DMXL2: variants seen among roughly 807,000 people sequenced by gnomAD.
DMXL2 encodes the protein Dmx like 2.
DMXL2 carries 103 observed loss-of-function variants against 331.1 expected under a neutral mutation model. That is an observed-to-expected ratio of 0.31 (90% CI 0.27 to 0.37). The LOEUF (loss-of-function observed/expected upper bound fraction) is 0.37. DMXL2 is among the 10% of genes least tolerant of loss of function. The pLI, the probability that DMXL2 is intolerant of heterozygous loss-of-function variation, is 1.00. For missense variants in DMXL2, 3,171 were observed against 3,642.9 expected, an observed-to-expected ratio of 0.87 and a Z score of 3.33; for synonymous variants, 1,281 against 1,252.1, an observed-to-expected ratio of 1.02 and a Z score of -0.49.
At chr15:51,458,862 A>G (rs2039880262) in intron 34 of DMXL2, 67 bp from the exon 35 acceptor site, 2 of 1,309,446 alleles carry the variant, frequency 1.5e-6, no homozygotes, top group Non-Finnish European at 2.2e-6. Context: ...TGCACATCCC[A>G]TAAGATTTAA....
intron 2 of DMXL2, among the ~76,000 whole-genome samples, chr15:51,573,772 C>G (rs889967779): frequency 2.6e-5 from 4 of 152,006 alleles, no homozygotes; most frequent in Non-Finnish European, 4.4e-5. Flanking sequence ...CAGCAAACCA[C>G]CATGGCACGT....
chr15:51,510,418 CAGAG>C (rs1278623661), intron 15 of DMXL2, among the ~76,000 whole-genome samples: 1 of 152,126 alleles, frequency 6.6e-6, no homozygotes, highest in Non-Finnish European at 1.5e-5. Flanking sequence ...CAATAACAGA[CAGAG>C]AGCCAAATCA....
intron 15 of DMXL2, among the ~76,000 whole-genome samples, chr15:51,509,192 T>C (rs2046600590): frequency 6.6e-6 from 1 of 151,462 alleles, no homozygotes; most frequent in African/African-American, 2.4e-5. Context: ...GAGAAACTTC[T>C]TTAAAAAAAA....
At chr15:51,551,833 TTAAG>T (rs1281184643) in intron 6 of DMXL2, among the ~76,000 whole-genome samples, 3 of 152,164 alleles carry the variant, frequency 2.0e-5, no homozygotes, top group Non-Finnish European at 2.9e-5. Context: ...GAAGGCAACA[TTAAG>T]TAAGGATATA....
At chr15:51,465,741 C>A in intron 30 of DMXL2, 90 bp from the exon 31 acceptor site, 2 of 905,184 alleles carry the variant, frequency 2.2e-6, no homozygotes. Flanking sequence ...GTTTAGCCCA[C>A]TCTCCAACCC....
At chr15:51,582,063 A>G (rs1164295116) in intron 1 of DMXL2, among the ~76,000 whole-genome samples, 1 of 152,186 alleles carries the variant, frequency 6.6e-6, no homozygotes, top group East Asian at 1.9e-4. Context: ...TGAAGAAGGT[A>G]CATTTTATTA....
At chr15:51,576,949 T>C (rs2051091093) in intron 1 of DMXL2, among the ~76,000 whole-genome samples, 2 of 152,224 alleles carry the variant, frequency 1.3e-5, no homozygotes, top group Admixed American at 6.5e-5. Context: ...AATTCCCATG[T>C]CCAACTCTAA....
intron 15 of DMXL2, 59 bp downstream of exon 15, chr15:51,514,383 A>C: frequency 1.0e-6 from 1 of 1,000,584 alleles, no homozygotes; most frequent in Non-Finnish European, 1.5e-6. Context: ...CTCAGTGAAA[A>C]CTTAGAGATC....
intron 1 of DMXL2, among the ~76,000 whole-genome samples, chr15:51,600,256 T>C (rs2053134532): frequency 6.6e-6 from 1 of 152,208 alleles, no homozygotes. Context: ...ACCTGCCTTT[T>C]ACAACCACCT....
chr15:51,582,734 T>C (rs982743647), intron 1 of DMXL2, among the ~76,000 whole-genome samples: 9 of 152,172 alleles, frequency 5.9e-5, no homozygotes, highest in Admixed American at 5.2e-4. Context: ...CACATATACA[T>C]TGAAATCATG....
chr15:51,499,522 T>C lies in DMXL2; in HGVS notation c.3702A>G (p.Arg1234=), dbSNP rs1245994393. 1 of 1,613,986 alleles carries C rather than the reference T, an allele frequency of 6.2e-7. No homozygotes were observed. Among genetic ancestry groups the C allele is most frequent in the Non-Finnish European group, 8.5e-7 (1 of 1,180,022 alleles). Residue 1234 remains arginine, a synonymous_variant, in exon 18 of 44, where the codon AGA becomes AGG. Coordinates refer to ENST00000560891, the MANE Select transcript of DMXL2 (RefSeq NM_001378457.1). The stretch of plus-strand genomic sequence containing the variant: ...CAACAGAAGATACCAAGTCTATAGA[T>C]CTAAGAAGAACCCATCTTGACTTAA... ...QGVKSRWVLL[R]SIDLVSSVDG...
At chr15:51,554,205 A>G (rs935774496) in intron 6 of DMXL2, among the ~76,000 whole-genome samples, 2 of 152,220 alleles carry the variant, frequency 1.3e-5, no homozygotes, top group African/African-American at 2.4e-5. Context: ...AACTGGTCCT[A>G]TATTAAATCA....
In DMXL2 at chr15:51,491,766, A is replaced by AT. The variant is rs2042817245; in HGVS notation, c.4784-20dup. On this transcript the variant is annotated intron_variant, in intron 19 of 43. Transcript: ENST00000560891. ...GAGACACCTAAATTGGAAATATAAA[A>AT]TAATAATCTGCGTAACTGTATCAAA... The AT allele has an allele frequency of 1.3e-6, 2 of 1,584,532 alleles. No homozygotes were observed. The highest frequency in any genetic ancestry group is 4.5e-5 in the East Asian group (2 of 44,524).
At chr15:51,583,030 C>T (rs1349167990) in intron 1 of DMXL2, among the ~76,000 whole-genome samples, 1 of 151,230 alleles carries the variant, frequency 6.6e-6, no homozygotes, top group Non-Finnish European at 1.5e-5. Context: ...ACAATTCTGC[C>T]ACTTATTTTC....
At chr15:51,588,095 G>C (rs2141217229) in intron 1 of DMXL2, among the ~76,000 whole-genome samples, 1 of 151,160 alleles carries the variant, frequency 6.6e-6, no homozygotes, top group East Asian at 1.9e-4. Context: ...GTAGGTTGCA[G>C]AATTTTTTTC....
At chr15:51,514,775 C>G (rs1251951742) in intron 14 of DMXL2, among the ~76,000 whole-genome samples, 1 of 143,772 alleles carries the variant, frequency 7.0e-6, no homozygotes, top group Non-Finnish European at 1.5e-5. Context: ...CAGCCAATAG[C>G]AGAATAGAAG....
chr15:51,454,762 T>C (rs1272563602), intron 40 of DMXL2, among the ~76,000 whole-genome samples: 1 of 152,132 alleles, frequency 6.6e-6, no homozygotes, highest in Admixed American at 6.5e-5. Context: ...CCCAAAGTGC[T>C]GGGATTACAG....
chr15:51,492,262 G>A (rs1276730552), intron 19 of DMXL2, among the ~76,000 whole-genome samples: 2 of 152,220 alleles, frequency 1.3e-5, no homozygotes, highest in Non-Finnish European at 2.9e-5. Flanking sequence ...AAAAGCACTT[G>A]GCTCACAGTC....
Position 51,481,021 on chromosome 15 carries a change from G to A in DMXL2, c.6085C>T (p.Pro2029Ser). 6.2e-7 allele frequency: 1 copy of A among 1,614,048 alleles called. No individual in the cohort carries two copies. The highest frequency in any genetic ancestry group is 1.1e-5 in the South Asian group (1 of 91,064). ...MLLTPQEEDDPEGDTEVDVIA... is the reference protein window; with the variant it reads ...MLLTPQEEDDSEGDTEVDVIA... ...ACATCAACTTCAGTATCACCTTCAG[G>A]ATCATCCTCTTCCTGAGGTGTTAAT... is the stretch of plus-strand genomic sequence containing the variant. Residue 2029 changes from proline (P) to serine (S), a missense_variant, in exon 24 of 44, where the codon CCT becomes TCT. Transcript: ENST00000560891.
Sources: allele counts gnomAD v4.1 joint callset (sites outside exome capture counted in the v4.1 genomes callset), GRCh38; gene constraint gnomAD v4.1.1; transcripts MANE v1.5; gene names NCBI Gene and HGNC (gene_info 2026-07-23, HGNC 2026-07-21).